Variants in TTYH3 observed in about 807,000 individuals in gnomAD.
The protein encoded by TTYH3 is tweety family member 3, also known as protein tweety homolog 3.
Under a neutral mutation model 68.2 loss-of-function variants are expected in TTYH3, and 23 were observed. That is an observed-to-expected ratio of 0.34 (90% CI 0.24 to 0.48). The LOEUF is 0.48. Among genes scored for constraint, TTYH3 ranks in the 20% least tolerant of loss-of-function variants. The probability of loss-of-function intolerance (pLI) is 0.99; values close to 1 mark genes in which losing one functional copy is unlikely to be tolerated. For synonymous variants in TTYH3, 360 were observed against 332.8 expected (o/e 1.08, Z -0.89); for missense variants, 768 against 727.7 (o/e 1.06, Z -0.64).
rs1167188139 is a variant in TTYH3 at position 2,645,374 on chromosome 7, A to G, written c.124-1479A>G. ...GAGAGCACTCGGCCAGGCAGATCGA[A>G]TGCAGTGCCAGGAGAAGGGACAGCT... On this transcript the variant is annotated intron_variant, in intron 1 of 13. Coordinates refer to ENST00000258796, the MANE Select transcript of TTYH3 (RefSeq NM_025250.3). The surrounding 1 kb of genome is among the most constrained non-coding windows in gnomAD (Gnocchi z 4.8). Among the ~76,000 whole-genome samples the G allele has an allele frequency of 1.3e-5, 2 of 152,196 alleles. No homozygotes were observed. Among genetic ancestry groups the G allele is most frequent in the Non-Finnish European group, 2.9e-5 (2 of 68,026 alleles).
intron 4 of TTYH3, 144 bp from the exon 5 acceptor site, chr7:2,647,815 G>C: frequency 1.4e-5 from 15 of 1,100,520 alleles, no homozygotes; most frequent in Non-Finnish European, 1.7e-5. Flanking sequence ...CTCAAGAACT[G>C]ACACCAGTCC....
At chr7:2,641,495 G>A (rs992158423) in intron 1 of TTYH3, among the ~76,000 whole-genome samples, 3 of 152,220 alleles carry the variant, frequency 2.0e-5, no homozygotes, top group Non-Finnish European at 4.4e-5. Context: ...CTTGGCACAT[G>A]TGTGGCAGTT....
Position 2,648,339 on chromosome 7 carries a change from G to C in TTYH3, c.722+285G>C, listed in dbSNP as rs770154661. 22 of 383,342 alleles carry C rather than the reference G, an allele frequency of 5.7e-5. No individual in the cohort carries two copies. The Middle Eastern group carries it at 2.7e-3, about 47-fold the overall frequency. The allele number at this position is 383,342 out of a possible 1,614,324, so 23.7% of individuals were successfully genotyped here. ...CCAGGACCTGAAGCAACCTGCCCAG[G>C]TCTCCGAGTGCCTGGGGCCACCCAG... On this transcript the variant is annotated intron_variant, in intron 5 of 13. Transcript: ENST00000258796.
chr7:2,652,983 C>T lies in TTYH3; in HGVS notation c.993C>T (p.Thr331=), dbSNP rs557047938. The part of the protein sequence containing the change: ...MQDVVAELLR[T]VPWEQPATKD... ...ATGTCGTGGCTGAGCTTCTGAGGACCGTCCCCTGGGAGCAGCCGGCCACTA... is the reference window on the plus strand; with the variant it reads ...ATGTCGTGGCTGAGCTTCTGAGGACTGTCCCCTGGGAGCAGCCGGCCACTA... Residue 331 remains threonine (T), a synonymous_variant, in exon 9 of 14, where the codon ACC becomes ACT. Coordinates refer to ENST00000258796, the MANE Select transcript of TTYH3 (RefSeq NM_025250.3). 39 of 1,574,832 alleles carry T rather than the reference C, an allele frequency of 2.5e-5. 1 individual carries two copies. The highest frequency in any genetic ancestry group is 6.9e-5 in the East Asian group (3 of 43,634).
At chr7:2,641,275 G>T (rs923914700) in intron 1 of TTYH3, among the ~76,000 whole-genome samples, 4 of 152,168 alleles carry the variant, frequency 2.6e-5, no homozygotes. Flanking sequence ...TTCCAGAGTT[G>T]GTGGGGTTTT....
rs950622307 is a variant in TTYH3, at chr7:2,662,074, C to T, written c.*335C>T. ...GCACCCAACCTGTGTTGTTGCCGCCCGGCCCTTCCCTCCACAGCTCTCCTT... is the reference window on the plus strand; with the variant it reads ...GCACCCAACCTGTGTTGTTGCCGCCTGGCCCTTCCCTCCACAGCTCTCCTT... On this transcript the variant is annotated 3_prime_UTR_variant, in exon 14 of 14. Coordinates refer to ENST00000258796, the MANE Select transcript of TTYH3 (RefSeq NM_025250.3). 29 of 510,878 alleles carry T rather than the reference C, an allele frequency of 5.7e-5. No individual in the cohort carries two copies. The highest frequency in any genetic ancestry group is 2.8e-4 in the African/African-American group (14 of 50,800). 31.6% of individuals were successfully genotyped at this position (510,878 alleles called of 1,614,324 possible).
At chr7:2,643,645 T>C (rs1190211155) in intron 1 of TTYH3, among the ~76,000 whole-genome samples, 1 of 152,232 alleles carries the variant, frequency 6.6e-6, no homozygotes, top group Non-Finnish European at 1.5e-5. Flanking sequence ...GCCCAGATCC[T>C]GTTTGGCCAG....
intron 12 of TTYH3, 115 bp from the exon 13 acceptor site, chr7:2,658,825 A>C (rs116693587): frequency 0.019 from 18,975 of 993,382 alleles, 324 homozygotes; most frequent in African/African-American, 0.08. Context: ...TGGGACCCCC[A>C]GTGAGAATGG....
chr7:2,656,554 C>T lies in TTYH3; in HGVS notation c.1250+20C>T, dbSNP rs771181751. On this transcript the variant is annotated intron_variant, in intron 11 of 13. Transcript: ENST00000258796. ...AAAGAGGTGAGGGGCCCTGGGGGGT[C>T]GCAGGAGCTTGCCCCAGGCCACATG... is the stretch of plus-strand genomic sequence containing the variant. The T allele has an allele frequency of 2.3e-5, 37 of 1,593,240 alleles. No individual in the cohort carries two copies. The highest frequency in any genetic ancestry group is 7.9e-5 in the South Asian group (7 of 89,020).
intron 1 of TTYH3, among the ~76,000 whole-genome samples, chr7:2,643,084 G>C (rs187342563): frequency 1.3e-5 from 2 of 151,734 alleles, no homozygotes; most frequent in East Asian, 3.9e-4. Context: ...GGCTGGGCAC[G>C]GTGGTTCACG....
At chr7:2,653,699 C>A (rs910138408) in intron 9 of TTYH3, among the ~76,000 whole-genome samples, 6 of 152,106 alleles carry the variant, frequency 3.9e-5, no homozygotes, top group African/African-American at 1.4e-4. Context: ...ACCATTTCTA[C>A]TAAAAATACA....
intron 1 of TTYH3, among the ~76,000 whole-genome samples, chr7:2,644,807 G>C (rs1785937422): frequency 6.6e-6 from 1 of 152,198 alleles, no homozygotes; most frequent in African/African-American, 2.4e-5. Context: ...AGGTGGAAAG[G>C]CCGCCTTCGG....
intron 10 of TTYH3, 64 bp from the exon 11 acceptor site, chr7:2,656,334 G>A: frequency 1.3e-6 from 2 of 1,583,646 alleles, no homozygotes; most frequent in Non-Finnish European, 1.7e-6. Flanking sequence ...TGGGCTGAAG[G>A]TCTCACGCTG....
intron 9 of TTYH3, 47 bp from the exon 10 acceptor site, chr7:2,656,044 TC>T: frequency 7.0e-7 from 1 of 1,429,358 alleles, no homozygotes; most frequent in East Asian, 2.6e-5. Flanking sequence ...TGGCTCGAGG[TC>T]CCCCGTCCAA....
At chr7:2,651,355 C>G (rs1786171264) in intron 7 of TTYH3, among the ~76,000 whole-genome samples, 1 of 152,164 alleles carries the variant, frequency 6.6e-6, no homozygotes, top group African/African-American at 2.4e-5. Flanking sequence ...GCCTGAAGAG[C>G]CTCCTGGAGG....
At chr7:2,661,444 G>A (rs1484564807) in intron 13 of TTYH3, among the ~76,000 whole-genome samples, 2 of 152,092 alleles carry the variant, frequency 1.3e-5, no homozygotes, top group Non-Finnish European at 2.9e-5. Flanking sequence ...TGGAGAGTTC[G>A]GGGGCTGCCC....
Position 2,648,046 on chromosome 7 carries a change from C to A in TTYH3, c.714C>A (p.Ile238=). The change falls in exon 5 of 14, where the codon ATC becomes ATA. Residue 238 remains isoleucine (I), a synonymous_variant. Transcript: ENST00000258796. The part of the protein sequence containing the change: ...LVGLIRSSKG[I]LVGVCLLGVL... ...GCCTCATCCGCAGCTCCAAGGGCAT[C>A]CTGGTGGGGTGAGTCTGGGGGTGTC... 6.2e-7 allele frequency: 1 copy of A among 1,609,384 alleles called. No individual in the cohort carries two copies. The highest frequency in any genetic ancestry group is 8.5e-7 in the Non-Finnish European group (1 of 1,179,730).
intron 11 of TTYH3, 109 bp downstream of exon 11, chr7:2,656,643 G>A: frequency 7.4e-7 from 1 of 1,346,804 alleles, no homozygotes; most frequent in Non-Finnish European, 9.9e-7. Context: ...AGAGGTGAGG[G>A]ACAGACACCT....
At chr7:2,639,235 C>G (rs1467453954) in intron 1 of TTYH3, among the ~76,000 whole-genome samples, 1 of 152,212 alleles carries the variant, frequency 6.6e-6, no homozygotes, top group Admixed American at 6.5e-5. Context: ...CCTCCCGGAG[C>G]CCCGTGCTGC....
Sources: allele counts gnomAD v4.1 joint callset (sites outside exome capture counted in the v4.1 genomes callset), GRCh38; gene constraint gnomAD v4.1.1; non-coding constraint Gnocchi (gnomAD v3.1); transcripts MANE v1.5; gene names NCBI Gene and HGNC (gene_info 2026-07-23, HGNC 2026-07-21).